PGAP3: variants seen among roughly 807,000 people sequenced by gnomAD.
PGAP3 encodes the protein post-GPI attachment to proteins phospholipase 3.
PGAP3 carries 31 observed loss-of-function variants against 40.3 expected under a neutral mutation model. The ratio of observed to expected loss-of-function variants is 0.77; its 90% CI spans 0.58 to 1.04. PGAP3 has a LOEUF of 1.04. Ranked by LOEUF, PGAP3 falls within the 50% of genes least tolerant of loss-of-function variation. PGAP3 has a pLI of 0.00. For missense variants in PGAP3, 413 were observed against 423.0 expected (o/e 0.98, Z 0.21); for synonymous variants, 191 against 184.5 (o/e 1.04, Z -0.29).
intron 3 of PGAP3, among the ~76,000 whole-genome samples, chr17:39,682,225 CAAAAAAAAAAAAAAAAAAA>C (rs60959390): frequency 0.031 from 701 of 22,856 alleles, 20 homozygotes; most frequent in African/African-American, 0.089. Flanking sequence ...GACTCTGTCT[CAAAAAAAAAAAAAAAAAAA>C]AAAAAAAAAA....
In PGAP3 at chr17:39,684,818, T is replaced by C. The variant is rs1567878751; in HGVS notation, c.280-69A>G. 10 of 1,466,876 alleles carry C rather than the reference T, an allele frequency of 6.8e-6. 1 individual carries two copies. Among genetic ancestry groups the C allele is most frequent in the East Asian group, 5.0e-5 (2 of 40,028 alleles). 90.9% of individuals were successfully genotyped at this position (1,466,876 alleles called of 1,614,324 possible). ...CTCAACTGGCCCAGTCCACCTATTCTTGACATGCTGAAGCAACAGGTCCTC... is the reference window on the plus strand; with the variant it reads ...CTCAACTGGCCCAGTCCACCTATTCCTGACATGCTGAAGCAACAGGTCCTC... On this transcript the variant is annotated intron_variant, in intron 2 of 7. Coordinates refer to ENST00000300658, the MANE Select transcript of PGAP3 (RefSeq NM_033419.5).
chr17:39,673,423 T>C, intron 6 of PGAP3, 91 bp downstream of exon 6: 1 of 1,588,804 alleles, frequency 6.3e-7, no homozygotes, highest in Non-Finnish European at 8.6e-7. Context: ...AGAGTCTCTC[T>C]AGAACCTCCT....
At chr17:39,674,872 C>T (rs1324793060) in intron 3 of PGAP3, among the ~76,000 whole-genome samples, 193 bp from the exon 4 acceptor site, 1 of 152,164 alleles carries the variant, frequency 6.6e-6, no homozygotes, top group African/African-American at 2.4e-5. Flanking sequence ...CTGGGGTGGA[C>T]TTCCTGCCAC....
intron 3 of PGAP3, among the ~76,000 whole-genome samples, chr17:39,680,660 C>A (rs77502223): frequency 0.014 from 2,107 of 152,232 alleles, 48 homozygotes; most frequent in African/African-American, 0.049. Flanking sequence ...GTGCTCATCC[C>A]GGGAAGCACA....
intron 2 of PGAP3, 22 bp downstream of exon 2, chr17:39,685,900 C>G (rs1225480511): frequency 2.5e-6 from 4 of 1,603,360 alleles, no homozygotes; most frequent in Non-Finnish European, 3.4e-6. Flanking sequence ...TACCATATGC[C>G]TACCCTGACC....
At chr17:39,687,263 G>C (rs2057559066) in intron 1 of PGAP3, among the ~76,000 whole-genome samples, 1 of 152,234 alleles carries the variant, frequency 6.6e-6, no homozygotes, top group East Asian at 1.9e-4. Flanking sequence ...ACTGGGATTA[G>C]AGAAACTATC....
chr17:39,686,793 A>T (rs2057542134), intron 1 of PGAP3, among the ~76,000 whole-genome samples: 1 of 151,934 alleles, frequency 6.6e-6, no homozygotes, highest in African/African-American at 2.4e-5. Context: ...TGATCTTTCT[A>T]CCTTGGCAGA....
In PGAP3 at chr17:39,684,714, C is replaced by T. The variant is rs142026821; in HGVS notation, c.315G>A (p.Pro105=). 1.9e-4 allele frequency: 299 copies of T among 1,612,386 alleles called. No homozygotes were observed. In the African/African-American group the frequency reaches 2.7e-3, roughly 14 times the overall value. Residue 105 remains proline (P), a synonymous_variant, in exon 3 of 8, where the codon CCG becomes CCA. Coordinates refer to ENST00000300658, the MANE Select transcript of PGAP3 (RefSeq NM_033419.5). ...PFSRFLFFQE[P]ASAVASFLNG... is the part of the protein sequence containing the mutation. ...TGAGAAACGAGGCCACGGCCGATGC[C>T]GGCTCTTGAAAGAACAGGAACCGGG...
chr17:39,683,843 C>T (rs1025140215), intron 3 of PGAP3, among the ~76,000 whole-genome samples: 3 of 152,094 alleles, frequency 2.0e-5, no homozygotes, highest in Non-Finnish European at 2.9e-5. Flanking sequence ...AGGCTGAGCT[C>T]GCCAGGTGCA....
chr17:39,684,633 G>A lies in PGAP3; in HGVS notation c.396C>T (p.Ser132=). The A allele has an allele frequency of 6.2e-7, 1 of 1,614,086 alleles. No individual in the cohort carries two copies. Among genetic ancestry groups the A allele is most frequent in the Admixed American group, 1.7e-5 (1 of 60,010 alleles). Residue 132 remains serine (S), a synonymous_variant, in exon 3 of 8, where the codon TCC becomes TCT. Coordinates refer to ENST00000300658, the MANE Select transcript of PGAP3 (RefSeq NM_033419.5). The part of the protein sequence containing the change: ...LCRYRTFVPA[S]SPMYHTCVAF... ...CCACACAGGTGTGGTACATGGGGGA[G>A]GAGGCTGGCACGAAGGTGCGGTAGC... is the stretch of plus-strand genomic sequence containing the variant.
intron 3 of PGAP3, among the ~76,000 whole-genome samples, chr17:39,684,123 T>G (rs910743721): frequency 3.5e-5 from 1 of 28,398 alleles, no homozygotes; most frequent in African/African-American, 2.6e-4. Flanking sequence ...AGACTCTGTC[T>G]CAAAAAAAAA....
intron 3 of PGAP3, 106 bp downstream of exon 3, chr17:39,684,491 C>T: frequency 7.4e-7 from 1 of 1,347,744 alleles, no homozygotes; most frequent in Non-Finnish European, 1.0e-6. Context: ...CCCTGGGAAA[C>T]AGAGGGGAAG....
chr17:39,687,818 T>C lies in PGAP3; in HGVS notation c.181+16A>G, dbSNP rs371801150. On this transcript the variant is annotated intron_variant, in intron 1 of 7. Transcript: ENST00000300658. ...CAAGACAAATGGGCGGGGCTTACCGTGGGGGTGGGGCTTACCTGCTAGACT... is the reference window on the plus strand; with the variant it reads ...CAAGACAAATGGGCGGGGCTTACCGCGGGGGTGGGGCTTACCTGCTAGACT... 323 of 1,356,138 alleles carry C rather than the reference T, an allele frequency of 2.4e-4. No homozygotes were observed. The highest frequency in any genetic ancestry group is 3.0e-4 in the Non-Finnish European group (307 of 1,040,636). 84.0% of individuals were successfully genotyped at this position (1,356,138 alleles called of 1,614,324 possible). A position where few individuals can be genotyped will look rare whatever the true frequency, so the allele number is the denominator to read the frequency against.
At chr17:39,674,451 G>A (rs1464394304) in intron 4 of PGAP3, among the ~76,000 whole-genome samples, 166 bp downstream of exon 4, 1 of 152,162 alleles carries the variant, frequency 6.6e-6, no homozygotes, top group African/African-American at 2.4e-5. Context: ...CCCACCTGAT[G>A]AGGCTCACTG....
intron 3 of PGAP3, among the ~76,000 whole-genome samples, chr17:39,676,455 G>T (rs936812228): frequency 6.6e-6 from 1 of 152,088 alleles, no homozygotes; most frequent in Non-Finnish European, 1.5e-5. Context: ...AAACATATGC[G>T]TAGGGCCACA....
chr17:39,674,521 A>C, intron 4 of PGAP3, 96 bp downstream of exon 4: 1 of 1,333,900 alleles, frequency 7.5e-7, no homozygotes, highest in Non-Finnish European at 1.0e-6. Context: ...AGTGCTCCTC[A>C]GAGGGAGTTG....
chr17:39,672,617 T>A lies in PGAP3; in HGVS notation c.*186A>T, dbSNP rs2057320887. On this transcript the variant is annotated 3_prime_UTR_variant, in exon 8 of 8. Transcript: ENST00000300658. ...GTCCCAGATGCTGGGAGGCCTTCCC[T>A]AGAACAGACTCCAAGGCTGGTGAGG... 1 of 655,528 alleles carries A rather than the reference T, an allele frequency of 1.5e-6. No individual in the cohort carries two copies. Among genetic ancestry groups the A allele is most frequent in the African/African-American group, 1.8e-5 (1 of 55,508 alleles). The allele number at this position is 655,528 out of a possible 1,614,324, so 40.6% of individuals were successfully genotyped here.
Position 39,673,615 on chromosome 17 carries a change from G to A in PGAP3, c.593C>T (p.Ala198Val). 6.2e-7 allele frequency: 1 copy of A among 1,614,104 alleles called. No homozygotes were observed. Among genetic ancestry groups the A allele is most frequent in the Non-Finnish European group, 8.5e-7 (1 of 1,180,014 alleles). ...VGLQHPAVVS[A>V]FRALLLLMLT... ...CATGAGCAGCAGGAGAGCCCGGAAG[G>A]CACTGACCACAGCTGGGTGCTGCAG... Residue 198 changes from alanine to valine, a missense_variant, in exon 6 of 8, where the codon GCC (alanine) becomes GTC (valine). Ala to Val is a moderately conservative substitution (Grantham distance 64). Transcript: ENST00000300658.
chr17:39,673,761 C>T (rs1016167010), intron 5 of PGAP3, 111 bp from the exon 6 acceptor site: 278 of 1,448,994 alleles, frequency 1.9e-4, no homozygotes, highest in Non-Finnish European at 2.4e-4. Flanking sequence ...AAGTCACTAC[C>T]CCTCTCCCCA....
Sources: gnomAD v4.1 joint callset for allele counts (sites outside exome capture counted in the v4.1 genomes callset) on GRCh38, gnomAD v4.1.1 for gene constraint, MANE v1.5 for transcripts, NCBI Gene and HGNC (gene_info 2026-07-23, HGNC 2026-07-21) for gene names.